Variants in ZMIZ2 observed in about 807,000 individuals in gnomAD.
ZMIZ2 encodes zinc finger MIZ-type containing 2, also known as zinc finger MIZ domain-containing protein 2.
Under a neutral mutation model 93.9 loss-of-function variants are expected in ZMIZ2, and 26 were observed. That is an observed-to-expected ratio of 0.28 (90% confidence interval 0.20 to 0.38). ZMIZ2 has a LOEUF of 0.38. Among genes scored for constraint, ZMIZ2 ranks in the 10% least tolerant of loss-of-function variants. ZMIZ2 has a pLI of 1.00. For synonymous variants in ZMIZ2, 485 were observed against 516.4 expected, an observed-to-expected ratio of 0.94 and a Z score of 0.82; for missense variants, 1,023 against 1,235.0, an observed-to-expected ratio of 0.83 and a Z score of 2.57.
Position 44,766,680 on chromosome 7 carries a change from A to T in ZMIZ2, c.2655+17A>T. 1 of 1,610,402 alleles carries T rather than the reference A, an allele frequency of 6.2e-7. No homozygotes were observed. The highest frequency in any genetic ancestry group is 8.5e-7 in the Non-Finnish European group (1 of 1,177,976). ...GCTCTGGACGTGAGTACCAGGCCCC[A>T]TGCGGGGGAGTGCGTGGGAGCCAGG... is the stretch of plus-strand genomic sequence containing the variant. On this transcript the variant is annotated intron_variant, in intron 18 of 18. Transcript: ENST00000309315. This position sits in a 1 kb window ranked among gnomAD's most constrained non-coding sequence, Gnocchi z 4.4.
At chr7:44,750,227 G>C (rs1000346062) in intron 1 of ZMIZ2, among the ~76,000 whole-genome samples, 3 of 152,186 alleles carry the variant, frequency 2.0e-5, no homozygotes, top group African/African-American at 7.2e-5. Flanking sequence ...GCCAGGTTAA[G>C]GTTGTCCCTT....
At chr7:44,749,709 C>G (rs1333361665) in intron 1 of ZMIZ2, 1 of 152,528 alleles carries the variant, frequency 6.6e-6, no homozygotes. Context: ...CTCCCATTCC[C>G]TGGACCCTCT....
chr7:44,757,880 T>A lies in ZMIZ2; in HGVS notation c.585T>A (p.Phe195Leu). The A allele has an allele frequency of 6.3e-7, 1 of 1,596,262 alleles. No individual in the cohort carries two copies. Among genetic ancestry groups the A allele is most frequent in the African/African-American group, 1.3e-5 (1 of 74,326 alleles). Reference sequence around the variant, plus strand: ...CCGGACAGTCTTTTAACAGCCAGTTTCTGCAGCATGGAGGTCCCCGGGGGC... The same window carrying A: ...CCGGACAGTCTTTTAACAGCCAGTTACTGCAGCATGGAGGTCCCCGGGGGC... ...MGAGQSFNSQ[F>L]LQHGGPRGPS... Residue 195 changes from phenylalanine (F) to leucine (L), a missense_variant, in exon 6 of 19, where the codon TTT becomes TTA. Physicochemically the swap from Phe to Leu is conservative, Grantham distance 22 (BLOSUM62 0). Transcript: ENST00000309315.
chr7:44,757,524 A>G lies in ZMIZ2; in HGVS notation c.515A>G (p.Gln172Arg). Residue 172 changes from glutamine to arginine, a missense_variant, in exon 5 of 19, where the codon CAG becomes CGG. Gln to Arg is a conservative substitution (Grantham distance 43). Transcript: ENST00000309315. ...GCCACAGCCACCGTGGCTGCTCTCC[A>G]GGAGAAGCAGAGCCAGGAGCTGAGC... is the stretch of plus-strand genomic sequence containing the variant. The part of the protein sequence containing the change: ...ATATATVAAL[Q>R]EKQSQELSQY... The G allele has an allele frequency of 6.2e-7, 1 of 1,609,160 alleles. No individual in the cohort carries two copies. Among genetic ancestry groups the G allele is most frequent in the Non-Finnish European group, 8.5e-7 (1 of 1,178,724 alleles).
chr7:44,762,676 G>A (rs781669360), intron 11 of ZMIZ2, among the ~76,000 whole-genome samples: 6 of 152,218 alleles, frequency 3.9e-5, no homozygotes, highest in South Asian at 2.1e-4. Context: ...TGGGCAGGGC[G>A]CTGAGGCCAG....
intron 1 of ZMIZ2, among the ~76,000 whole-genome samples, chr7:44,754,321 C>A (rs1233651598): frequency 1.3e-5 from 2 of 152,206 alleles, no homozygotes; most frequent in Non-Finnish European, 2.9e-5. Flanking sequence ...TTTTCTTCAC[C>A]CCTGCTTCCT....
chr7:44,755,750 C>G (rs913280706), intron 1 of ZMIZ2, among the ~76,000 whole-genome samples: 3 of 152,202 alleles, frequency 2.0e-5, no homozygotes, highest in African/African-American at 7.2e-5. Flanking sequence ...CTCACCTCCA[C>G]TGCCCTCTGT....
At chr7:44,755,266 C>CA (rs1478610866) in intron 1 of ZMIZ2, among the ~76,000 whole-genome samples, 1 of 152,200 alleles carries the variant, frequency 6.6e-6, no homozygotes, top group African/African-American at 2.4e-5. Context: ...TCCCCAGCCC[C>CA]TTTCTTAGAA....
In ZMIZ2 at chr7:44,765,035, T is replaced by A; in HGVS notation, c.1997+26T>A. The A allele has an allele frequency of 6.2e-7, 1 of 1,613,470 alleles. No homozygotes were observed. The highest frequency in any genetic ancestry group is 1.1e-5 in the South Asian group (1 of 91,068). ...GTAAGCATCCTCTTCCTGTGATCCC[T>A]GCATCTGTGGCCACTGGAGGGCAGC... On this transcript the variant is annotated intron_variant, in intron 15 of 18. Transcript: ENST00000309315. The surrounding 1 kb of genome is among the most constrained non-coding windows in gnomAD (Gnocchi z 4.1).
rs768219561 is a variant in ZMIZ2, at chr7:44,761,961, G to A, written c.1596+56G>A. On this transcript the variant is annotated intron_variant, in intron 11 of 18. Coordinates refer to ENST00000309315, the MANE Select transcript of ZMIZ2 (RefSeq NM_031449.4). This position sits in a 1 kb window ranked among gnomAD's most constrained non-coding sequence, Gnocchi z 5.8. The stretch of plus-strand genomic sequence containing the variant: ...GTGGCGTGGGGCGGGGTGTGGTGGG[G>A]CCTGGCCCAGCGGTGCCGTGGGGTG... 2.7e-5 allele frequency: 37 copies of A among 1,357,660 alleles called. No individual in the cohort carries two copies. The highest frequency in any genetic ancestry group is 3.4e-5 in the Non-Finnish European group (35 of 1,018,280). 84.1% of individuals were successfully genotyped at this position (1,357,660 alleles called of 1,614,324 possible).
At chr7:44,754,099 T>C (rs1433856356) in intron 1 of ZMIZ2, among the ~76,000 whole-genome samples, 1 of 152,218 alleles carries the variant, frequency 6.6e-6, no homozygotes, top group Admixed American at 6.5e-5. Flanking sequence ...CTAAAATCTG[T>C]GTATGGCTGC....
Position 44,767,944 on chromosome 7 carries a change from C to T in ZMIZ2, c.*321C>T, listed in dbSNP as rs1411799783. ...ACATCTCACGCCCCTGGTCTCACAG[C>T]CTCACACCTTGTCCTTCCACCCCTG... On this transcript the variant is annotated 3_prime_UTR_variant, in exon 19 of 19. Transcript: ENST00000309315. 7.0e-6 allele frequency: 3 copies of T among 425,734 alleles called. No individual in the cohort carries two copies. The highest frequency in any genetic ancestry group is 3.7e-5 in the Admixed American group (1 of 26,842). 26.4% of individuals were successfully genotyped at this position (425,734 alleles called of 1,614,324 possible).
In ZMIZ2 at chr7:44,761,739, G is replaced by T. The variant is rs780358891; in HGVS notation, c.1430G>T (p.Arg477Leu). The T allele has an allele frequency of 6.2e-7, 1 of 1,614,080 alleles. No homozygotes were observed. Among genetic ancestry groups the T allele is most frequent in the Non-Finnish European group, 8.5e-7 (1 of 1,180,012 alleles). ...LQFKCYHHEDRQMNTNWPASV... is the reference protein window; with the variant it reads ...LQFKCYHHEDLQMNTNWPASV... ...TTCAAGTGCTACCACCACGAGGACC[G>T]GCAGATGAACACCAACTGGCCAGCC... The change falls in exon 11 of 19, where the codon CGG (arginine) becomes CTG (leucine). Residue 477 changes from arginine to leucine, a missense_variant. Arg to Leu is a moderately radical substitution (Grantham distance 102). Transcript: ENST00000309315. This position sits in a 1 kb window ranked among gnomAD's most constrained non-coding sequence, Gnocchi z 5.8.
chr7:44,759,928 A>T, intron 7 of ZMIZ2: 1 of 569,516 alleles, frequency 1.8e-6, no homozygotes, highest in South Asian at 2.1e-5. Context: ...GGGGGAGGAG[A>T]GGAGGAGGGC....
At position 44,761,976 on chromosome 7, in the gene ZMIZ2, G is replaced by T. The variant is rs1210526094; in HGVS notation, c.1596+71G>T. ...GTGTGGTGGGGCCTGGCCCAGCGGTGCCGTGGGGTGGGGCGGGGTGTGGGC... is the reference window on the plus strand; with the variant it reads ...GTGTGGTGGGGCCTGGCCCAGCGGTTCCGTGGGGTGGGGCGGGGTGTGGGC... On this transcript the variant is annotated intron_variant, in intron 11 of 18. Coordinates refer to ENST00000309315, the MANE Select transcript of ZMIZ2 (RefSeq NM_031449.4). This position sits in a 1 kb window ranked among gnomAD's most constrained non-coding sequence, Gnocchi z 5.8. 6 of 1,336,788 alleles carry T rather than the reference G, an allele frequency of 4.5e-6. No individual in the cohort carries two copies. The highest frequency in any genetic ancestry group is 5.9e-6 in the Non-Finnish European group (6 of 1,008,522). 82.8% of individuals were successfully genotyped at this position (1,336,788 alleles called of 1,614,324 possible).
chr7:44,758,641 G>A (rs965722176), intron 6 of ZMIZ2, among the ~76,000 whole-genome samples: 3 of 151,924 alleles, frequency 2.0e-5, no homozygotes, highest in Admixed American at 6.6e-5. Context: ...GGCCGGGCGC[G>A]GTGGCTCACG....
intron 3 of ZMIZ2, 46 bp downstream of exon 3, chr7:44,756,585 A>G (rs1240734702): frequency 6.3e-7 from 1 of 1,592,042 alleles, no homozygotes; most frequent in Middle Eastern, 1.7e-4. Context: ...AGAGCCTCCC[A>G]GCACTTGGCA....
chr7:44,752,928 C>T (rs142140734), intron 1 of ZMIZ2, among the ~76,000 whole-genome samples: 6 of 152,358 alleles, frequency 3.9e-5, no homozygotes, highest in East Asian at 1.9e-4. Context: ...CCATATGATA[C>T]GGCCAGACTG....
In ZMIZ2 at chr7:44,748,906, CGGGCGGCGCGGA is replaced by C. The variant is rs1562715941; in HGVS notation, c.-141_-130del. On this transcript the variant is annotated 5_prime_UTR_variant, in exon 1 of 19. Transcript: ENST00000309315. ...GCGGGTGGCGGCGGCCCCGGGGCGGCGGGCGGCGCGGAGGGCGGGCTGAGCGCATGGAGCGGC... is the reference window on the plus strand; with the variant it reads ...GCGGGTGGCGGCGGCCCCGGGGCGGCGGGCGGGCTGAGCGCATGGAGCGGC... 1 of 147,520 alleles carries C rather than the reference CGGGCGGCGCGGA, an allele frequency of 6.8e-6. No individual in the cohort carries two copies. Among genetic ancestry groups the C allele is most frequent in the Non-Finnish European group, 1.5e-5 (1 of 66,084 alleles). The allele number at this position is 147,520 out of a possible 1,614,324, so 9.1% of individuals were successfully genotyped here.
Sources: allele counts gnomAD v4.1 joint callset (sites outside exome capture counted in the v4.1 genomes callset), GRCh38; gene constraint gnomAD v4.1.1; non-coding constraint Gnocchi (gnomAD v3.1); transcripts MANE v1.5; gene names NCBI Gene and HGNC (gene_info 2026-07-23, HGNC 2026-07-21).